PELP1: variants seen among roughly 807,000 people sequenced by gnomAD.
The protein encoded by PELP1 is proline, glutamate and leucine rich protein 1, also known as proline-, glutamic acid- and leucine-rich protein 1.
A neutral mutation model predicts 95.5 loss-of-function variants in PELP1; 32 were observed. The observed-to-expected ratio is 0.34, with a 90% CI of 0.25 to 0.45. PELP1 has a LOEUF of 0.45. Ranked by LOEUF, PELP1 falls within the 20% of genes least tolerant of loss-of-function variation. The pLI, the probability that PELP1 is intolerant of heterozygous loss-of-function variation, is 1.00. For missense variants in PELP1, 1,358 were observed against 1,444.8 expected (o/e 0.94, Z 0.97); for synonymous variants, 668 against 600.1 (o/e 1.11, Z -1.65).
chr17:4,678,671 G>A (rs2150555922), intron 5 of PELP1, among the ~76,000 whole-genome samples: 1 of 152,318 alleles, frequency 6.6e-6, no homozygotes, highest in African/African-American at 2.4e-5. Context: ...TCTCTCAAGA[G>A]TAGGTCAGTC....
At chr17:4,679,978 C>A (rs1912632086) in intron 5 of PELP1, among the ~76,000 whole-genome samples, 1 of 152,190 alleles carries the variant, frequency 6.6e-6, no homozygotes, top group Non-Finnish European at 1.5e-5. Flanking sequence ...ACTCACAGTC[C>A]TTCCCAGGCC....
rs1912440962 is a variant in PELP1, at chr17:4,675,821, G to T, written c.1044C>A (p.Thr348=). The T allele has an allele frequency of 6.3e-7, 1 of 1,585,156 alleles. No homozygotes were observed. The highest frequency in any genetic ancestry group is 8.6e-7 in the Non-Finnish European group (1 of 1,165,616). Residue 348 remains threonine, a synonymous_variant, in exon 9 of 17, where the codon ACC becomes ACA. Transcript: ENST00000572293. The surrounding 1 kb of genome is among the most constrained non-coding windows in gnomAD (Gnocchi z 4.3). ...CAATATTCTTGCTACTGACGCTGAG[G>T]GTCCGGCAGATGAAATCCAGGATTT... is the stretch of plus-strand genomic sequence containing the variant. ...VQEILDFICR[T]LSVSSKNISL... is the part of the protein sequence containing the mutation.
At chr17:4,680,419 A>G (rs911365122) in intron 5 of PELP1, among the ~76,000 whole-genome samples, 3 of 152,096 alleles carry the variant, frequency 2.0e-5, no homozygotes, top group African/African-American at 4.8e-5. Context: ...CTGGGACTAC[A>G]GGCACACACC....
intron 6 of PELP1, 102 bp from the exon 7 acceptor site, chr17:4,676,609 T>C: frequency 6.7e-7 from 1 of 1,485,764 alleles, no homozygotes; most frequent in South Asian, 1.2e-5. Flanking sequence ...CAGAGAGAGC[T>C]CTGAGGGAAA....
chr17:4,685,705 C>G (rs1567665165), intron 3 of PELP1, among the ~76,000 whole-genome samples: 1 of 150,392 alleles, frequency 6.6e-6, no homozygotes, highest in Non-Finnish European at 1.5e-5. Context: ...GTGGGGGGTA[C>G]TGATGTGAGC....
Position 4,673,018 on chromosome 17 carries a change from G to A in PELP1, c.1973C>T (p.Ser658Leu), listed in dbSNP as rs1378373678. The A allele has an allele frequency of 3.9e-6, 6 of 1,539,970 alleles. No homozygotes were observed. The highest frequency in any genetic ancestry group is 2.6e-5 in the South Asian group (2 of 77,772). Residue 658 changes from serine (S) to leucine (L), a missense_variant, in exon 16 of 17, where the codon TCG (serine) becomes TTG (leucine). By Grantham distance (145) the Ser-to-Leu change is moderately radical (BLOSUM62 -2). This residue lies in a region of PELP1 where 340 missense variants were observed against 322.9 expected (regional missense o/e 1.05). Coordinates refer to ENST00000572293, the MANE Select transcript of PELP1 (RefSeq NM_014389.3). This position sits in a 1 kb window ranked among gnomAD's most constrained non-coding sequence, Gnocchi z 5.7. ...PAPVPPPEAPSPFRAPPFHPP... is the reference protein window; with the variant it reads ...PAPVPPPEAPLPFRAPPFHPP... ...ATGGAACGGTGGGGCCCTGAAGGGC[G>A]ATGGGGCCTCAGGAGGGGGAACTGG...
At chr17:4,698,523 T>C (rs1317248544) in intron 1 of PELP1, among the ~76,000 whole-genome samples, 6 of 148,732 alleles carry the variant, frequency 4.0e-5, no homozygotes, top group Non-Finnish European at 7.4e-5. Context: ...GCGCTTGTAA[T>C]CCCAGCTACT....
rs1198684897 is a variant in PELP1, at chr17:4,693,727, C to T, written c.250-2285G>A. 3.3e-5 allele frequency among the ~76,000 whole-genome samples: 5 copies of T among 152,182 alleles called. 1 individual carries two copies. The highest frequency in any genetic ancestry group is 1.2e-4 in the African/African-American group (5 of 41,436). ...ACGTCCCAGGTAGGATGAAGCAGAA[C>T]TCCTCGAGAGTCCATCACGCTGCTC... On this transcript the variant is annotated intron_variant, in intron 1 of 16. Coordinates refer to ENST00000572293, the MANE Select transcript of PELP1 (RefSeq NM_014389.3).
intron 1 of PELP1, among the ~76,000 whole-genome samples, chr17:4,693,217 C>T (rs1015249554): frequency 6.6e-6 from 1 of 152,210 alleles, no homozygotes; most frequent in Non-Finnish European, 1.5e-5. Flanking sequence ...AAACCTACAT[C>T]CTCACAACAA....
At position 4,671,342 on chromosome 17, in the gene PELP1, TCTGG is replaced by T. The variant is rs1912190071; in HGVS notation, c.*93_*96del. ...GAAAAGCCCAGCAGACACTTGAGCT[TCTGG>T]CTGGGGACCCAGGTGTGGCAAAAGG... On this transcript the variant is annotated 3_prime_UTR_variant, in exon 17 of 17. Coordinates refer to ENST00000572293, the MANE Select transcript of PELP1 (RefSeq NM_014389.3). 5 of 734,794 alleles carry T rather than the reference TCTGG, an allele frequency of 6.8e-6. No individual in the cohort carries two copies. Among genetic ancestry groups the T allele is most frequent in the Non-Finnish European group, 1.2e-5 (5 of 404,768 alleles). The allele number at this position is 734,794 out of a possible 1,614,324, so 45.5% of individuals were successfully genotyped here.
At chr17:4,697,380 G>C (rs1913338502) in intron 1 of PELP1, among the ~76,000 whole-genome samples, 1 of 152,094 alleles carries the variant, frequency 6.6e-6, no homozygotes, top group Non-Finnish European at 1.5e-5. Context: ...TGGGTGTGGG[G>C]GCACACACCT....
chr17:4,703,673 C>G (rs963045095), intron 1 of PELP1, among the ~76,000 whole-genome samples, 190 bp downstream of exon 1: 4 of 152,230 alleles, frequency 2.6e-5, no homozygotes, highest in Admixed American at 6.5e-5. Flanking sequence ...CATTTTTCCC[C>G]TGGAGAAACT....
chr17:4,701,246 T>C (rs1462232261), intron 1 of PELP1, among the ~76,000 whole-genome samples: 5 of 147,146 alleles, frequency 3.4e-5, no homozygotes, highest in Non-Finnish European at 4.4e-5. Context: ...CAGTCAATCA[T>C]AGGTGGCCAA....
chr17:4,679,000 C>A (rs1912600954), intron 5 of PELP1, among the ~76,000 whole-genome samples: 1 of 152,018 alleles, frequency 6.6e-6, no homozygotes, highest in Non-Finnish European at 1.5e-5. Context: ...AAACCCTCAA[C>A]ACCCTCAACA....
intron 5 of PELP1, among the ~76,000 whole-genome samples, chr17:4,680,484 C>T (rs1912647076): frequency 6.6e-6 from 1 of 152,042 alleles, no homozygotes; most frequent in African/African-American, 2.4e-5. Flanking sequence ...CACTGTGTTG[C>T]CCAGGCTGGT....
Position 4,672,561 on chromosome 17 carries a change from A to T in PELP1, c.2430T>A (p.Pro810=). 1.3e-6 allele frequency: 1 copy of T among 745,586 alleles called. No homozygotes were observed. The highest frequency in any genetic ancestry group is 1.7e-6 in the Non-Finnish European group (1 of 601,044). 46.2% of individuals were successfully genotyped at this position (745,586 alleles called of 1,614,324 possible). The change falls in exon 16 of 17, where the codon CCT becomes CCA. Residue 810 remains proline, a synonymous_variant. Coordinates refer to ENST00000572293, the MANE Select transcript of PELP1 (RefSeq NM_014389.3). ...PPPPSGATPP[P]IAPTGPPTAS... ...CTGTTGGTGGCCCAGTGGGGGCTAT[A>T]GGGGGTGGTGTGGCACCTGAGGGTG...
intron 5 of PELP1, among the ~76,000 whole-genome samples, chr17:4,679,641 G>A (rs915248821): frequency 3.3e-5 from 5 of 152,100 alleles, no homozygotes; most frequent in Admixed American, 6.6e-5. Flanking sequence ...TCATTTGAGA[G>A]GTTAACTTAC....
intron 3 of PELP1, among the ~76,000 whole-genome samples, chr17:4,684,377 T>C (rs1304677502): frequency 6.6e-6 from 1 of 152,148 alleles, no homozygotes; most frequent in African/African-American, 2.4e-5. Flanking sequence ...CAGAAAAAAC[T>C]GAAGCCCAGA....
At chr17:4,700,407 G>A (rs1009799494) in intron 1 of PELP1, among the ~76,000 whole-genome samples, 1 of 152,060 alleles carries the variant, frequency 6.6e-6, no homozygotes, top group Non-Finnish European at 1.5e-5. Flanking sequence ...CACTTTGGGA[G>A]GTCGAGTGGG....
Sources: gnomAD v4.1 joint callset for allele counts (sites outside exome capture counted in the v4.1 genomes callset) on GRCh38, gnomAD v4.1.1 for gene constraint, gnomAD v4.1.1 regional missense constraint, Gnocchi (gnomAD v3.1) non-coding constraint, MANE v1.5 for transcripts, NCBI Gene and HGNC (gene_info 2026-07-23, HGNC 2026-07-21) for gene names.